The following ATP8A1 variants were observed in gnomAD, a reference collection of about 807,000 sequenced individuals.
ATP8A1 encodes the protein ATPase phospholipid transporting 8A1.
Under a neutral mutation model 177.7 loss-of-function variants are expected in ATP8A1, and 90 were observed. That is an observed-to-expected ratio of 0.51 (90% confidence interval 0.43 to 0.60). ATP8A1 has a LOEUF of 0.60. Ranked by LOEUF, ATP8A1 falls within the 20% of genes least tolerant of loss-of-function variation. The pLI is 0.00. For synonymous variants in ATP8A1, 493 were observed against 485.9 expected, an observed-to-expected ratio of 1.01 and a Z score of -0.19; for missense variants, 1,072 against 1,392.8, an observed-to-expected ratio of 0.77 and a Z score of 3.67.
rs1470363633 is a variant in ATP8A1, at chr4:42,549,022, T to C, written c.1643A>G (p.Glu548Gly). ...TGAGCAGATGTTTTACCTGGTAAAC[T>C]CCAAGACATTGAGCAATTCATATCT... ...EERYELLNVLEFTSARKRMSV... is the reference protein window; with the variant it reads ...EERYELLNVLGFTSARKRMSV... The change falls in exon 19 of 37, where the codon GAG becomes GGG. Residue 548 changes from glutamate to glycine, a missense_variant. Glu to Gly is a moderately conservative substitution (Grantham distance 98). Around this residue, in one of 5 missense-constraint regions of ATP8A1, gnomAD observed 388 missense variants for 471.7 expected, o/e 0.82. Transcript: ENST00000381668. 6.2e-7 allele frequency: 1 copy of C among 1,611,546 alleles called. No homozygotes were observed. Among genetic ancestry groups the C allele is most frequent in the Admixed American group, 1.7e-5 (1 of 59,782 alleles).
intron 29 of ATP8A1, 55 bp from the exon 30 acceptor site, chr4:42,452,114 C>T: frequency 8.0e-7 from 1 of 1,247,334 alleles, no homozygotes; most frequent in Non-Finnish European, 1.2e-6. Context: ...GCTCTGTGAA[C>T]TCTGACCTTT....
chr4:42,498,544 C>T (rs1723505818), intron 24 of ATP8A1, among the ~76,000 whole-genome samples: 1 of 152,140 alleles, frequency 6.6e-6, no homozygotes, highest in Admixed American at 6.5e-5. Flanking sequence ...AAGTGAAACA[C>T]TGGTATCCAT....
intron 5 of ATP8A1, among the ~76,000 whole-genome samples, chr4:42,610,403 G>C (rs1736249615): frequency 6.6e-6 from 1 of 152,010 alleles, no homozygotes; most frequent in East Asian, 1.9e-4. Context: ...ACAGGAGAGA[G>C]AAAAATTCCC....
In ATP8A1 at chr4:42,483,590, C is replaced by T. The variant is rs112809967; in HGVS notation, c.2324+1906G>A. 7.7e-3 allele frequency among the ~76,000 whole-genome samples: 1,175 copies of T among 152,230 alleles called. 8 individuals are homozygous for T. The highest frequency in any genetic ancestry group is 0.027 in the African/African-American group (1,102 of 41,540). Reference sequence around the variant, plus strand: ...TGGAGAAGCCCAGAGGTCCATGTGACTTGTGAGCATCCAGAACAAGGATTT... The same window carrying T: ...TGGAGAAGCCCAGAGGTCCATGTGATTTGTGAGCATCCAGAACAAGGATTT... On this transcript the variant is annotated intron_variant, in intron 25 of 36. Coordinates refer to ENST00000381668, the MANE Select transcript of ATP8A1 (RefSeq NM_006095.2).
intron 25 of ATP8A1, among the ~76,000 whole-genome samples, chr4:42,480,689 C>T (rs1179613908): frequency 1.3e-5 from 2 of 152,046 alleles, no homozygotes; most frequent in Admixed American, 1.3e-4. Flanking sequence ...ATTCAGTGTC[C>T]CTTTAGACTT....
chr4:42,548,944 CA>C, intron 19 of ATP8A1, 68 bp downstream of exon 19: 1 of 1,277,306 alleles, frequency 7.8e-7, no homozygotes, highest in Non-Finnish European at 1.1e-6. Context: ...TCTAGTTATT[CA>C]AAAGGGAAAA....
chr4:42,594,240 G>A (rs751672029), intron 6 of ATP8A1: 1 of 1,084,278 alleles, frequency 9.2e-7, no homozygotes, highest in Non-Finnish European at 1.4e-6. Flanking sequence ...TCAATGCAGG[G>A]TAGAGAAACC....
At position 42,555,950 on chromosome 4, in the gene ATP8A1, T is replaced by C. The variant is rs1345007332; in HGVS notation, c.1413+18A>G. ...TTTTTATTCACTAACAAAAAGACAA[T>C]GGTTTTATGTAACTTACATGATTAT... On this transcript the variant is annotated intron_variant, in intron 16 of 36. Transcript: ENST00000381668. 1.9e-6 allele frequency: 3 copies of C among 1,554,290 alleles called. No individual in the cohort carries two copies. Among genetic ancestry groups the C allele is most frequent in the Non-Finnish European group, 2.7e-6 (3 of 1,130,988 alleles).
At chr4:42,475,321 T>C (rs1720925436) in intron 25 of ATP8A1, among the ~76,000 whole-genome samples, 1 of 152,110 alleles carries the variant, frequency 6.6e-6, no homozygotes, top group Admixed American at 6.6e-5. Flanking sequence ...GGCTAATTTG[T>C]AATTTTTTTG....
At position 42,556,011 on chromosome 4, in the gene ATP8A1, G is replaced by GT. The variant is rs767604256; in HGVS notation, c.1369dup (p.Thr457AsnfsTer3). 1 of 1,611,804 alleles carries GT rather than the reference G, an allele frequency of 6.2e-7. No individual in the cohort carries two copies. The highest frequency in any genetic ancestry group is 8.5e-7 in the Non-Finnish European group (1 of 1,178,880). ...TTCCAGCAATGATGAATCACTAAAT[G>GT]TTTTTTCATCTCCAAACTGTGAGTT... On this transcript the variant is annotated frameshift_variant, in exon 16 of 37. Transcript: ENST00000381668. LOFTEE classifies it high-confidence loss of function.
chr4:42,601,374 G>GAA (rs11435358), intron 5 of ATP8A1, among the ~76,000 whole-genome samples: 44 of 145,068 alleles, frequency 3.0e-4, no homozygotes, highest in Admixed American at 7.4e-4. Flanking sequence ...TTTCTGAAAA[G>GAA]AAAAAAAAAA....
At chr4:42,437,647 ATT>A (rs1223435287) in intron 33 of ATP8A1, among the ~76,000 whole-genome samples, 3 of 152,186 alleles carry the variant, frequency 2.0e-5, no homozygotes, top group African/African-American at 4.8e-5. Context: ...TATTTCAATA[ATT>A]TATGGTTGTG....
intron 15 of ATP8A1, among the ~76,000 whole-genome samples, chr4:42,565,008 T>C (rs761255919): frequency 6.6e-6 from 1 of 152,200 alleles, no homozygotes; most frequent in African/African-American, 2.4e-5. Context: ...GGAGTTTTCC[T>C]GCACAAGCTC....
intron 11 of ATP8A1, among the ~76,000 whole-genome samples, chr4:42,579,568 T>A (rs991743158): frequency 6.6e-6 from 1 of 151,910 alleles, no homozygotes; most frequent in Non-Finnish European, 1.5e-5. Context: ...TAAATGACTA[T>A]ACTTAGTGAA....
rs200141969 is a variant in ATP8A1, at chr4:42,508,064, C to T, written c.1948-910G>A. Among the ~76,000 whole-genome samples the T allele has an allele frequency of 2.1e-3, 317 of 152,270 alleles. 2 individuals are homozygous for T. The highest frequency in any genetic ancestry group is 7.4e-3 in the African/African-American group (307 of 41,558). On this transcript the variant is annotated intron_variant, in intron 22 of 36. Coordinates refer to ENST00000381668, the MANE Select transcript of ATP8A1 (RefSeq NM_006095.2). ...AGATCAGACTCAAAGATCTCTTGCT[C>T]ATTAGATATTGTCTTGTACCATAAG...
At position 42,657,024 on chromosome 4, in the gene ATP8A1, G is replaced by A; in HGVS notation, c.-151C>T. 2.6e-6 allele frequency: 2 copies of A among 773,426 alleles called. No homozygotes were observed. The highest frequency in any genetic ancestry group is 3.5e-6 in the Non-Finnish European group (2 of 568,366). 47.9% of individuals were successfully genotyped at this position (773,426 alleles called of 1,614,324 possible). On this transcript the variant is annotated 5_prime_UTR_variant, in exon 1 of 37. Coordinates refer to ENST00000381668, the MANE Select transcript of ATP8A1 (RefSeq NM_006095.2). ...CTAGGGCAGAGCTGCCGCCGGGCGC[G>A]GCCCCCGCACGCCGACAGGAGGAGG...
At chr4:42,655,766 A>G (rs1173258236) in intron 1 of ATP8A1, among the ~76,000 whole-genome samples, 1 of 152,168 alleles carries the variant, frequency 6.6e-6, no homozygotes, top group Non-Finnish European at 1.5e-5. Context: ...CCCTAAGGAG[A>G]AAAAATGGCC....
intron 3 of ATP8A1, among the ~76,000 whole-genome samples, 188 bp from the exon 4 acceptor site, chr4:42,624,822 A>G (rs1370188864): frequency 6.6e-6 from 1 of 152,208 alleles, no homozygotes; most frequent in Non-Finnish European, 1.5e-5. Flanking sequence ...TTAGTTTCAC[A>G]GTAAGCAGTT....
chr4:42,595,313 A>G (rs1445703509), intron 6 of ATP8A1, among the ~76,000 whole-genome samples: 2 of 152,204 alleles, frequency 1.3e-5, no homozygotes, highest in East Asian at 1.9e-4. Flanking sequence ...GGGAATCATA[A>G]TAAGAAATTA....
Sources: gnomAD v4.1 joint callset for allele counts (sites outside exome capture counted in the v4.1 genomes callset) on GRCh38, gnomAD v4.1.1 for gene constraint, gnomAD v4.1.1 regional missense constraint, MANE v1.5 for transcripts, NCBI Gene and HGNC (gene_info 2026-07-23, HGNC 2026-07-21) for gene names.